Variants in PKHD1 observed in about 807,000 individuals in gnomAD.
PKHD1 encodes fibrocystin.
PKHD1 carries 291 observed loss-of-function variants against 412.0 expected under a neutral mutation model. The ratio of observed to expected loss-of-function variants is 0.71; its 90% confidence interval spans 0.64 to 0.78. PKHD1 has a LOEUF of 0.78. Among genes scored for constraint, PKHD1 ranks in the 30% least tolerant of loss-of-function variants. PKHD1 has a pLI of 0.00. For missense variants in PKHD1, 4,825 were observed against 4,950.7 expected (o/e 0.97, Z 0.76); for synonymous variants, 1,777 against 1,821.5 (o/e 0.98, Z 0.62).
Position 51,869,668 on chromosome 6 carries a change from T to G in PKHD1, c.7486+836A>C, listed in dbSNP as rs576641195. 2.1e-4 allele frequency among the ~76,000 whole-genome samples: 32 copies of G among 152,216 alleles called. 1 individual carries two copies. The highest frequency in any genetic ancestry group is 7.7e-4 in the African/African-American group (32 of 41,548). ...TGAAATAGTCAAGATATTAAAGAAT[T>G]GAGGAATTGCGATTGCAAGCACTTG... On this transcript the variant is annotated intron_variant, in intron 47 of 66. Transcript: ENST00000371117.
chr6:52,003,126 A>C (rs899683688), intron 35 of PKHD1, among the ~76,000 whole-genome samples: 1 of 152,202 alleles, frequency 6.6e-6, no homozygotes, highest in African/African-American at 2.4e-5. Context: ...ATTTCCCAAG[A>C]GAAAAAAAAT....
intron 50 of PKHD1, among the ~76,000 whole-genome samples, chr6:51,839,953 G>A (rs187866137): frequency 3.3e-5 from 5 of 151,908 alleles, no homozygotes; most frequent in Non-Finnish European, 7.4e-5. Flanking sequence ...TTCTCTTTCC[G>A]TCTCTGCCTG....
chr6:51,887,272 A>T, intron 43 of PKHD1, 27 bp from the exon 44 acceptor site: 1 of 1,384,068 alleles, frequency 7.2e-7, no homozygotes, highest in Non-Finnish European at 1.0e-6. Flanking sequence ...GAGTTAAAAA[A>T]TAGTTACCCC....
rs1258208466 is a variant in PKHD1 at position 51,934,138 on chromosome 6, A to C, written c.6093T>G (p.Ala2031=). The change falls in exon 37 of 67, where the codon GCT becomes GCG. Residue 2031 remains alanine, a synonymous_variant. Transcript: ENST00000371117. ...GCAGAGAAAGAGTTCCATTCCTCAC[A>C]GCCAGGAACTTGACTCCATAGGGAA... ...PFFPYGVKFL[A]VRNGTLSLHG... 2.5e-6 allele frequency: 4 copies of C among 1,613,504 alleles called. No homozygotes were observed. Among genetic ancestry groups the C allele is most frequent in the Middle Eastern group, 1.7e-4 (1 of 6,056 alleles).
At chr6:52,048,128 G>A (rs1806156739) in intron 23 of PKHD1, among the ~76,000 whole-genome samples, 1 of 152,220 alleles carries the variant, frequency 6.6e-6, no homozygotes, top group East Asian at 1.9e-4. Flanking sequence ...CTTCACAGGA[G>A]TGTGGCCCTG....
intron 41 of PKHD1, among the ~76,000 whole-genome samples, chr6:51,904,550 C>G (rs1415862373): frequency 1.3e-5 from 2 of 152,170 alleles, no homozygotes; most frequent in Admixed American, 1.3e-4. Flanking sequence ...AAGAACCCTT[C>G]ATTACAAAGT....
rs190911580 is a variant in PKHD1, at chr6:51,706,156, G to A, written c.10156+38229C>T. Among the ~76,000 whole-genome samples, 408 of 152,094 alleles carry A rather than the reference G, an allele frequency of 2.7e-3. 1 individual carries two copies. The highest frequency in any genetic ancestry group is 9.5e-3 in the African/African-American group (393 of 41,496). ...GATTACTAGGTGACTTTCCTCTCTC[G>A]AAATTTTTTCACAATTGAAACAGCT... is the stretch of plus-strand genomic sequence containing the variant. On this transcript the variant is annotated intron_variant, in intron 60 of 66. Coordinates refer to ENST00000371117, the MANE Select transcript of PKHD1 (RefSeq NM_138694.4).
At chr6:51,714,261 T>A (rs1047922553) in intron 60 of PKHD1, among the ~76,000 whole-genome samples, 16 of 152,226 alleles carry the variant, frequency 1.1e-4, no homozygotes, top group South Asian at 1.0e-3. Context: ...TTCCACCTAC[T>A]CGGGAGGCTG....
intron 51 of PKHD1, among the ~76,000 whole-genome samples, chr6:51,835,111 C>T (rs891529222): frequency 2.0e-5 from 3 of 152,198 alleles, no homozygotes; most frequent in East Asian, 1.9e-4. Context: ...GTAATGCAAG[C>T]ATCTCCAGTT....
intron 60 of PKHD1, among the ~76,000 whole-genome samples, chr6:51,719,698 A>G (rs892259402): frequency 2.0e-5 from 3 of 152,204 alleles, no homozygotes; most frequent in African/African-American, 7.2e-5. Context: ...TAATTTTCCA[A>G]TCTATAATTT....
intron 51 of PKHD1, among the ~76,000 whole-genome samples, chr6:51,832,373 A>G (rs562336347): frequency 6.6e-6 from 1 of 152,230 alleles, no homozygotes; most frequent in African/African-American, 2.4e-5. Context: ...GCATGAGCCG[A>G]GGCAAAAATT....
At chr6:51,982,618 C>A (rs980865192) in intron 35 of PKHD1, among the ~76,000 whole-genome samples, 5 of 148,028 alleles carry the variant, frequency 3.4e-5, no homozygotes, top group Non-Finnish European at 7.5e-5. Flanking sequence ...GCAGCATGCT[C>A]GTCAAGAGTC....
At chr6:51,840,981 G>T (rs1435773077) in intron 50 of PKHD1, among the ~76,000 whole-genome samples, 2 of 151,998 alleles carry the variant, frequency 1.3e-5, no homozygotes, top group African/African-American at 4.8e-5. Flanking sequence ...AGAAAAGTTA[G>T]GTTTTAAAAA....
intron 30 of PKHD1, 92 bp downstream of exon 30, chr6:52,028,064 G>C: frequency 1.5e-6 from 2 of 1,373,682 alleles, no homozygotes; most frequent in Non-Finnish European, 2.1e-6. Flanking sequence ...ACTTCCAAGG[G>C]AAAAAGAAAA....
intron 60 of PKHD1, among the ~76,000 whole-genome samples, chr6:51,680,875 G>T (rs930887587): frequency 6.6e-6 from 1 of 151,936 alleles, no homozygotes; most frequent in South Asian, 2.1e-4. Flanking sequence ...ACTTGAAAGG[G>T]TGTTAACTGA....
intron 31 of PKHD1, among the ~76,000 whole-genome samples, chr6:52,027,289 T>C (rs1174485538): frequency 6.6e-6 from 1 of 150,954 alleles, no homozygotes; most frequent in East Asian, 2.0e-4. Flanking sequence ...CCCAGCACTT[T>C]AGGAGGCCGA....
chr6:51,643,316 G>A (rs1769621528), intron 63 of PKHD1, among the ~76,000 whole-genome samples: 2 of 151,840 alleles, frequency 1.3e-5, no homozygotes, highest in South Asian at 2.1e-4. Context: ...ATCTGTACAA[G>A]GACCATTCTG....
intron 43 of PKHD1, among the ~76,000 whole-genome samples, chr6:51,896,233 A>G (rs1779961783): frequency 6.6e-6 from 1 of 150,560 alleles, no homozygotes; most frequent in Admixed American, 6.6e-5. Flanking sequence ...ACAAACAGAC[A>G]ACAGTAACCT....
At chr6:51,766,595 A>G (rs753900529) in intron 55 of PKHD1, among the ~76,000 whole-genome samples, 1 of 135,974 alleles carries the variant, frequency 7.4e-6, no homozygotes, top group Non-Finnish European at 1.7e-5. Context: ...CCCTTTCACA[A>G]ATATGTTTCT....
Sources: gnomAD v4.1 joint callset for allele counts (sites outside exome capture counted in the v4.1 genomes callset) on GRCh38, gnomAD v4.1.1 for gene constraint, MANE v1.5 for transcripts, NCBI Gene and HGNC (gene_info 2026-07-23, HGNC 2026-07-21) for gene names.